The following UTRN variants were observed in gnomAD, a reference collection of about 807,000 sequenced individuals.
UTRN encodes the protein utrophin.
UTRN carries 283 observed loss-of-function variants against 463.9 expected under a neutral mutation model. That is an observed-to-expected ratio of 0.61 (90% CI 0.55 to 0.67). UTRN has a LOEUF of 0.67. Among genes scored for constraint, UTRN ranks in the 30% least tolerant of loss-of-function variants. The pLI is 0.00. For missense variants in UTRN, 3,922 were observed against 4,084.3 expected (o/e 0.96, Z 1.08); for synonymous variants, 1,442 against 1,431.5 (o/e 1.01, Z -0.17).
chr6:144,621,468 C>T (rs1057277576), intron 51 of UTRN, among the ~76,000 whole-genome samples: 1 of 152,078 alleles, frequency 6.6e-6, no homozygotes, highest in Non-Finnish European at 1.5e-5. Context: ...TGAATTGTCT[C>T]TCATCCCTTT....
At chr6:144,603,438 A>G (rs970232799) in intron 51 of UTRN, among the ~76,000 whole-genome samples, 1 of 152,072 alleles carries the variant, frequency 6.6e-6, no homozygotes, top group Admixed American at 6.6e-5. Flanking sequence ...TATAATTTTT[A>G]TATCTTTGTT....
At chr6:144,557,091 A>G (rs1265789914) in intron 49 of UTRN, 66 bp from the exon 50 acceptor site, 1 of 1,538,928 alleles carries the variant, frequency 6.5e-7, no homozygotes, top group Non-Finnish European at 8.8e-7. Context: ...TGGGAGTACC[A>G]TTGTTTTGAT....
intron 16 of UTRN, 112 bp from the exon 17 acceptor site, chr6:144,448,488 T>C (rs1787920092): frequency 8.3e-7 from 1 of 1,203,082 alleles, no homozygotes. Flanking sequence ...ACTGTATAAA[T>C]GTGCTAATAA....
chr6:144,626,125 G>A (rs185742885), intron 51 of UTRN, among the ~76,000 whole-genome samples: 1 of 152,158 alleles, frequency 6.6e-6, no homozygotes, highest in East Asian at 1.9e-4. Context: ...TTAAAAATAT[G>A]TTAAGCAGTG....
intron 2 of UTRN, among the ~76,000 whole-genome samples, chr6:144,399,583 T>C (rs1782756335): frequency 6.6e-6 from 1 of 152,152 alleles, no homozygotes; most frequent in African/African-American, 2.4e-5. Context: ...AGGGAACTCA[T>C]GTTATGTTAG....
intron 2 of UTRN, among the ~76,000 whole-genome samples, chr6:144,336,549 G>A (rs184797062): frequency 5.9e-4 from 90 of 152,186 alleles, no homozygotes; most frequent in African/African-American, 2.1e-3. Context: ...TTCCCATGAA[G>A]CTTGAAAGTT....
chr6:144,431,506 C>T (rs898466473), intron 9 of UTRN, among the ~76,000 whole-genome samples: 1 of 152,228 alleles, frequency 6.6e-6, no homozygotes, highest in African/African-American at 2.4e-5. Flanking sequence ...TTCTTCTGCC[C>T]TGTTCTTTCT....
chr6:144,816,799 C>T (rs543878388), intron 65 of UTRN, among the ~76,000 whole-genome samples: 125 of 146,740 alleles, frequency 8.5e-4, no homozygotes, highest in Non-Finnish European at 1.5e-3. Flanking sequence ...AGGCTGGTCT[C>T]GAACTCCTGA....
At chr6:144,537,520 T>C in intron 43 of UTRN, 62 bp from the exon 44 acceptor site, 4 of 1,261,476 alleles carry the variant, frequency 3.2e-6, no homozygotes, top group Non-Finnish European at 4.1e-6. Context: ...AAAGCAAATA[T>C]GTAAGGTTCT....
At chr6:144,324,226 A>C (rs1043066683) in intron 2 of UTRN, among the ~76,000 whole-genome samples, 1 of 152,220 alleles carries the variant, frequency 6.6e-6, no homozygotes, top group Non-Finnish European at 1.5e-5. Flanking sequence ...GATTAAATTT[A>C]TTTAAATTTT....
intron 51 of UTRN, among the ~76,000 whole-genome samples, chr6:144,603,689 C>T (rs765065913): frequency 4.6e-5 from 7 of 151,978 alleles, no homozygotes; most frequent in Non-Finnish European, 1.0e-4. Flanking sequence ...CAGTCTTTAT[C>T]GTAAAAACTT....
At chr6:144,371,511 A>G (rs1458886615) in intron 2 of UTRN, among the ~76,000 whole-genome samples, 1 of 152,242 alleles carries the variant, frequency 6.6e-6, no homozygotes, top group Non-Finnish European at 1.5e-5. Flanking sequence ...TCCCAGGTTC[A>G]AGCAATTCTC....
intron 2 of UTRN, among the ~76,000 whole-genome samples, chr6:144,294,061 CT>C (rs369160651): frequency 8.1e-5 from 12 of 148,520 alleles, no homozygotes; most frequent in East Asian, 5.8e-4. Context: ...GAGATTATTA[CT>C]TTTTTTTTTG....
At chr6:144,417,549 A>T (rs1278347660) in intron 3 of UTRN, among the ~76,000 whole-genome samples, 1 of 152,214 alleles carries the variant, frequency 6.6e-6, no homozygotes. Context: ...GCTTGCTATC[A>T]TTATGTCTAA....
intron 53 of UTRN, among the ~76,000 whole-genome samples, chr6:144,722,751 T>C (rs749949496): frequency 8.5e-5 from 13 of 152,186 alleles, no homozygotes; most frequent in Non-Finnish European, 1.9e-4. Context: ...AGGTACCATA[T>C]TGGAGAGCAA....
Position 144,440,472 on chromosome 6 carries a change from G to A in UTRN, c.1512+1G>A, listed in dbSNP as rs1345877344. ...AGCTATCCTAGAAGACCAGTTACAGGTAAGAGTGCTGTAAAGTTGGATAAT... is the reference window on the plus strand; with the variant it reads ...AGCTATCCTAGAAGACCAGTTACAGATAAGAGTGCTGTAAAGTTGGATAAT... On this transcript the variant is annotated splice_donor_variant, in intron 13 of 74. Transcript: ENST00000367545. LOFTEE classifies it high-confidence loss of function. 1 of 1,614,088 alleles carries A rather than the reference G, an allele frequency of 6.2e-7. No individual in the cohort carries two copies. Among genetic ancestry groups the A allele is most frequent in the South Asian group, 1.1e-5 (1 of 91,078 alleles).
intron 53 of UTRN, among the ~76,000 whole-genome samples, 169 bp downstream of exon 53, chr6:144,700,412 C>G (rs1027599216): frequency 6.6e-6 from 1 of 151,558 alleles, no homozygotes; most frequent in Admixed American, 6.6e-5. Context: ...TACATTGTTT[C>G]CATTTGTATT....
chr6:144,398,388 A>G, intron 2 of UTRN: 1 of 377,350 alleles, frequency 2.7e-6, no homozygotes. Flanking sequence ...TTCACTGGGC[A>G]TCTGGCTGGG....
intron 52 of UTRN, among the ~76,000 whole-genome samples, chr6:144,681,666 A>G (rs1267191216): frequency 1.3e-5 from 2 of 152,002 alleles, no homozygotes; most frequent in African/African-American, 4.8e-5. Flanking sequence ...CAGTCTCGTT[A>G]TCTCAAGGAA....
Sources: gnomAD v4.1 joint callset for allele counts (sites outside exome capture counted in the v4.1 genomes callset) on GRCh38, gnomAD v4.1.1 for gene constraint, MANE v1.5 for transcripts, NCBI Gene and HGNC (gene_info 2026-07-23, HGNC 2026-07-21) for gene names.